Variants in SH3RF3 observed in about 807,000 individuals in gnomAD.
SH3RF3 encodes the protein SH3 domain containing ring finger 3.
In SH3RF3, 29 loss-of-function variants were observed where a neutral mutation model predicts 66.3. The ratio of observed to expected loss-of-function variants is 0.44; its 90% CI spans 0.33 to 0.60. The LOEUF (loss-of-function observed/expected upper bound fraction) is 0.60, where lower values mean the gene tolerates loss of function less well. Ranked by LOEUF, SH3RF3 falls within the 20% of genes least tolerant of loss-of-function variation. SH3RF3 has a pLI of 0.04. For missense variants in SH3RF3, 1,194 were observed against 1,190.9 expected, an observed-to-expected ratio of 1.00 and a Z score of -0.04; for synonymous variants, 583 against 532.0, an observed-to-expected ratio of 1.10 and a Z score of -1.32.
intron 1 of SH3RF3, among the ~76,000 whole-genome samples, chr2:109,290,790 A>G (rs1681148248): frequency 6.6e-6 from 1 of 152,202 alleles, no homozygotes. Context: ...GAGCCTTTAC[A>G]ACACAGCACT....
At chr2:109,132,263 G>T (rs1428588700) in intron 1 of SH3RF3, among the ~76,000 whole-genome samples, 1 of 152,072 alleles carries the variant, frequency 6.6e-6, no homozygotes, top group African/African-American at 2.4e-5. Context: ...ATACTTTTTA[G>T]GTATATAGGT....
At chr2:109,462,186 G>A (rs557416072) in intron 8 of SH3RF3, among the ~76,000 whole-genome samples, 7 of 149,346 alleles carry the variant, frequency 4.7e-5, no homozygotes, top group South Asian at 2.2e-4. Flanking sequence ...GGGCCATCTC[G>A]TATGACATCT....
At chr2:109,472,287 G>A (rs1476287513) in intron 8 of SH3RF3, among the ~76,000 whole-genome samples, 3 of 151,872 alleles carry the variant, frequency 2.0e-5, no homozygotes, top group Non-Finnish European at 4.4e-5. Context: ...GAAGACGGTG[G>A]CAGGAGAGGA....
chr2:109,387,914 G>A (rs966681393), intron 3 of SH3RF3, among the ~76,000 whole-genome samples: 1 of 151,640 alleles, frequency 6.6e-6, no homozygotes, highest in Non-Finnish European at 1.5e-5. Context: ...TTCCTGACTC[G>A]TTCCACTGCT....
intron 1 of SH3RF3, among the ~76,000 whole-genome samples, chr2:109,248,134 T>G (rs1042180700): frequency 6.6e-6 from 1 of 152,250 alleles, no homozygotes; most frequent in African/African-American, 2.4e-5. Flanking sequence ...TGTTTTCTTT[T>G]GATTGTTGAT....
chr2:109,327,949 A>G (rs775472476), intron 1 of SH3RF3, among the ~76,000 whole-genome samples: 1 of 152,244 alleles, frequency 6.6e-6, no homozygotes, highest in Non-Finnish European at 1.5e-5. Flanking sequence ...GTCTAGGACA[A>G]TGACCCTGTG....
In SH3RF3 at chr2:109,433,415, C is replaced by A. The variant is rs116985821; in HGVS notation, c.1574+744C>A. Among the ~76,000 whole-genome samples, 416 of 152,280 alleles carry A rather than the reference C, an allele frequency of 2.7e-3. 11 individuals carry two copies. The East Asian group carries it at 0.074, about 27-fold the overall frequency. ...TGTAATTTTAGAGTCACTGAAGAGA[C>A]AAGGGGGTTGTCTGGGAATTTTTCG... On this transcript the variant is annotated intron_variant, in intron 6 of 9. Coordinates refer to ENST00000309415, the MANE Select transcript of SH3RF3 (RefSeq NM_001099289.3).
chr2:109,491,157 C>T (rs1235366320), intron 9 of SH3RF3, among the ~76,000 whole-genome samples: 1 of 152,276 alleles, frequency 6.6e-6, no homozygotes, highest in East Asian at 1.9e-4. Flanking sequence ...CCATCTGATT[C>T]CTGAGTTTGG....
At chr2:109,255,957 T>A (rs1161469318) in intron 1 of SH3RF3, among the ~76,000 whole-genome samples, 1 of 152,244 alleles carries the variant, frequency 6.6e-6, no homozygotes, top group African/African-American at 2.4e-5. Context: ...TCTTGCTTAG[T>A]GAATAGGATG....
intron 1 of SH3RF3, among the ~76,000 whole-genome samples, chr2:109,178,033 CA>C (rs2104972375): frequency 6.6e-6 from 1 of 152,252 alleles, no homozygotes; most frequent in Admixed American, 6.5e-5. Flanking sequence ...CCCAATTGTT[CA>C]AGTATGTTTC....
intron 1 of SH3RF3, among the ~76,000 whole-genome samples, chr2:109,307,778 A>T (rs1305512217): frequency 1.4e-5 from 2 of 147,344 alleles, no homozygotes; most frequent in Non-Finnish European, 3.0e-5. Context: ...GCTGCATAGT[A>T]CTCCATGGTG....
intron 1 of SH3RF3, among the ~76,000 whole-genome samples, chr2:109,298,391 G>A (rs1000137661): frequency 6.6e-6 from 1 of 152,152 alleles, no homozygotes; most frequent in Non-Finnish European, 1.5e-5. Flanking sequence ...GCACCTCAGA[G>A]CAGAGTGATG....
At chr2:109,259,170 A>G (rs1381318401) in intron 1 of SH3RF3, among the ~76,000 whole-genome samples, 1 of 152,232 alleles carries the variant, frequency 6.6e-6, no homozygotes. Context: ...TACTTACAAA[A>G]GCCGGGTTGA....
intron 4 of SH3RF3, among the ~76,000 whole-genome samples, chr2:109,418,935 GC>G (rs950173764): frequency 2.6e-5 from 4 of 152,000 alleles, no homozygotes; most frequent in African/African-American, 7.2e-5. Flanking sequence ...TCCTCCCTCG[GC>G]CCCCCCACTG....
intron 1 of SH3RF3, among the ~76,000 whole-genome samples, chr2:109,145,882 G>A (rs577994606): frequency 1.3e-5 from 2 of 152,314 alleles, no homozygotes; most frequent in East Asian, 1.9e-4. Context: ...GGGAGGCTGC[G>A]TAGGGCTATG....
rs527432466 is a variant in SH3RF3 at position 109,482,969 on chromosome 2, C to G, written c.2149-7636C>G. ...GATGCATGTTAATGTTTAAAATACC[C>G]AATAGCTGGTGCACAATTTTTCTGT... is the stretch of plus-strand genomic sequence containing the variant. On this transcript the variant is annotated intron_variant, in intron 8 of 9. Transcript: ENST00000309415. Among the ~76,000 whole-genome samples, 11 of 152,314 alleles carry G rather than the reference C, an allele frequency of 7.2e-5. 1 individual carries two copies. The South Asian group carries it at 2.3e-3, about 32-fold the overall frequency.
At chr2:109,179,001 TAA>T (rs144422452) in intron 1 of SH3RF3, among the ~76,000 whole-genome samples, 15,998 of 65,246 alleles carry the variant, frequency 0.25, 941 homozygotes, top group South Asian at 0.35. Flanking sequence ...TAAAGTATAA[TAA>T]TGTGTGTGTG....
intron 2 of SH3RF3, among the ~76,000 whole-genome samples, chr2:109,369,730 G>A (rs1463076048): frequency 6.6e-6 from 1 of 152,122 alleles, no homozygotes; most frequent in Non-Finnish European, 1.5e-5. Flanking sequence ...ATCCCACATG[G>A]GCTGTCCAGC....
intron 1 of SH3RF3, among the ~76,000 whole-genome samples, chr2:109,274,844 G>T (rs1307707510): frequency 6.6e-6 from 1 of 151,766 alleles, no homozygotes; most frequent in Non-Finnish European, 1.5e-5. Context: ...AATATTTGTA[G>T]ATTACCATAA....
Sources: allele counts gnomAD v4.1 joint callset (sites outside exome capture counted in the v4.1 genomes callset), GRCh38; gene constraint gnomAD v4.1.1; transcripts MANE v1.5; gene names NCBI Gene and HGNC (gene_info 2026-07-23, HGNC 2026-07-21).